Variants in TECRL observed in about 807,000 individuals in gnomAD.
TECRL encodes trans-2,3-enoyl-CoA reductase like, also known as trans-2,3-enoyl-CoA reductase-like.
A neutral mutation model predicts 52.8 loss-of-function variants in TECRL; 63 were observed. That is an observed-to-expected ratio of 1.19 (90% CI 0.97 to 1.47). The LOEUF (loss-of-function observed/expected upper bound fraction) is 1.47, where lower values mean the gene tolerates loss of function less well. Among genes scored for constraint, TECRL ranks in the 40% most tolerant of loss-of-function variants. TECRL has a pLI of 0.00. For missense variants in TECRL, 482 were observed against 429.6 expected (o/e 1.12, Z -1.08); for synonymous variants, 164 against 141.9 (o/e 1.16, Z -1.10).
intron 2 of TECRL, among the ~76,000 whole-genome samples, chr4:64,351,262 A>G (rs13117561): frequency 0.67 from 100,593 of 149,980 alleles, 34,914 homozygotes; most frequent in Non-Finnish European, 0.76. Context: ...AAAACTGTGT[A>G]TTGTATATTT....
chr4:64,332,636 T>C (rs192468547), intron 2 of TECRL, among the ~76,000 whole-genome samples: 33 of 151,806 alleles, frequency 2.2e-4, no homozygotes, highest in African/African-American at 7.0e-4. Context: ...GATATAAACA[T>C]AAAATACAAG....
chr4:64,292,245 C>T (rs1415007778), intron 8 of TECRL, among the ~76,000 whole-genome samples: 1 of 152,000 alleles, frequency 6.6e-6, no homozygotes, highest in South Asian at 2.1e-4. Flanking sequence ...TGATGTTTAT[C>T]TAAATATGTC....
chr4:64,309,942 A>AC lies in TECRL; in HGVS notation c.552-12_552-11insG. 6.5e-7 allele frequency: 1 copy of AC among 1,530,986 alleles called. No homozygotes were observed. Among genetic ancestry groups the AC allele is most frequent in the Non-Finnish European group, 8.9e-7 (1 of 1,120,284 alleles). The allele number at this position is 1,530,986 out of a possible 1,614,324, so 94.8% of individuals were successfully genotyped here. A position where few individuals can be genotyped will look rare whatever the true frequency, so the allele number is the denominator to read the frequency against. On this transcript the variant is annotated splice_polypyrimidine_tract_variant and intron_variant, in intron 5 of 11. Coordinates refer to ENST00000381210, the MANE Select transcript of TECRL (RefSeq NM_001010874.5). ...CAGAAGCAAGCCAAGCTGGAAAAAAAAATAAAACATAAACATGAAAATCCT... is the reference window on the plus strand; with the variant it reads ...CAGAAGCAAGCCAAGCTGGAAAAAAACAATAAAACATAAACATGAAAATCCT...
intron 2 of TECRL, among the ~76,000 whole-genome samples, chr4:64,333,396 C>T (rs1425238334): frequency 1.3e-5 from 2 of 151,746 alleles, no homozygotes; most frequent in South Asian, 4.2e-4. Flanking sequence ...ATCTAAAGGA[C>T]CAATTTGAGA....
At chr4:64,319,585 A>T (rs1717752788) in intron 4 of TECRL, among the ~76,000 whole-genome samples, 1 of 151,906 alleles carries the variant, frequency 6.6e-6, no homozygotes, top group Non-Finnish European at 1.5e-5. Flanking sequence ...TACATAAAGA[A>T]TTCTCAAGAC....
At position 64,346,745 on chromosome 4, in the gene TECRL, A is replaced by T. The variant is rs1056824300; in HGVS notation, c.287-18189T>A. Among the ~76,000 whole-genome samples, 23 of 152,200 alleles carry T rather than the reference A, an allele frequency of 1.5e-4. 1 individual carries two copies. The highest frequency in any genetic ancestry group is 1.4e-3 in the Admixed American group (22 of 15,284). ...TGAGGTGCCCTGGAGAATTGTCCCC[A>T]TTGTCTTGGTGATTAAGTGTGGCTT... On this transcript the variant is annotated intron_variant, in intron 2 of 11. Transcript: ENST00000381210.
chr4:64,379,721 C>A (rs770282384), intron 1 of TECRL, among the ~76,000 whole-genome samples: 7 of 152,026 alleles, frequency 4.6e-5, no homozygotes, highest in Non-Finnish European at 8.8e-5. Context: ...TTTTAAACCC[C>A]CACACATGAA....
intron 2 of TECRL, among the ~76,000 whole-genome samples, chr4:64,359,483 C>T (rs967479476): frequency 6.8e-6 from 1 of 147,152 alleles, no homozygotes; most frequent in Non-Finnish European, 1.5e-5. Flanking sequence ...TCAAATATTG[C>T]TAACCCAACC....
At chr4:64,310,775 T>G (rs2110000950) in intron 5 of TECRL, among the ~76,000 whole-genome samples, 1 of 152,318 alleles carries the variant, frequency 6.6e-6, no homozygotes, top group South Asian at 2.1e-4. Flanking sequence ...TTGTCCAGGC[T>G]GCAGTGCAGT....
At chr4:64,321,333 G>T (rs1717887406) in intron 4 of TECRL, among the ~76,000 whole-genome samples, 3 of 151,924 alleles carry the variant, frequency 2.0e-5, no homozygotes, top group Admixed American at 2.0e-4. Flanking sequence ...AAAATTGGTT[G>T]TTTAATTGTA....
At chr4:64,322,999 C>T (rs959926523) in intron 3 of TECRL, among the ~76,000 whole-genome samples, 2 of 151,992 alleles carry the variant, frequency 1.3e-5, no homozygotes, top group African/African-American at 4.8e-5. Context: ...CAGTGGTTTC[C>T]CAATACCATC....
chr4:64,316,165 T>G (rs1717482258), intron 4 of TECRL, among the ~76,000 whole-genome samples: 1 of 152,116 alleles, frequency 6.6e-6, no homozygotes, highest in Admixed American at 6.5e-5. Flanking sequence ...TCTCTAAGAA[T>G]ATATCAGGAA....
At chr4:64,408,984 C>T in intron 1 of TECRL, 134 bp downstream of exon 1, 7 of 771,898 alleles carry the variant, frequency 9.1e-6, no homozygotes, top group South Asian at 3.8e-5. Context: ...ATCCTGTTCA[C>T]CACAAAATTA....
intron 2 of TECRL, among the ~76,000 whole-genome samples, chr4:64,332,378 C>T (rs980814613): frequency 2.0e-5 from 3 of 152,186 alleles, no homozygotes; most frequent in East Asian, 1.9e-4. Flanking sequence ...TCTGTAACCT[C>T]CAAAGTCCAG....
intron 8 of TECRL, among the ~76,000 whole-genome samples, chr4:64,290,105 A>C (rs1325197226): frequency 1.3e-5 from 2 of 152,190 alleles, no homozygotes; most frequent in African/African-American, 4.8e-5. Flanking sequence ...TGCTGAAGAC[A>C]TATTTGGCAT....
intron 2 of TECRL, among the ~76,000 whole-genome samples, chr4:64,344,394 AATTCCTGGTGC>A (rs1306566046): frequency 6.6e-6 from 1 of 152,100 alleles, no homozygotes; most frequent in Non-Finnish European, 1.5e-5. Context: ...AGGAGTCTGA[AATTCCTGGTGC>A]ATTTTTGAGA....
At chr4:64,302,160 A>G (rs1349653529) in intron 7 of TECRL, among the ~76,000 whole-genome samples, 9 of 151,436 alleles carry the variant, frequency 5.9e-5, no homozygotes. Flanking sequence ...GTATTTAACT[A>G]TTATTCAAGA....
chr4:64,403,042 C>T (rs2109785977), intron 1 of TECRL, among the ~76,000 whole-genome samples: 1 of 117,094 alleles, frequency 8.5e-6, no homozygotes, highest in Admixed American at 9.1e-5. Context: ...CTTAAATTAT[C>T]TTGGTGAGGT....
At chr4:64,322,841 A>G (rs371843822) in intron 3 of TECRL, 49 bp from the exon 4 acceptor site, 1 of 1,350,882 alleles carries the variant, frequency 7.4e-7, no homozygotes, top group Non-Finnish European at 1.0e-6. Context: ...ATTTCTTAGC[A>G]TAACGATAAA....
Sources: allele counts gnomAD v4.1 joint callset (sites outside exome capture counted in the v4.1 genomes callset), GRCh38; gene constraint gnomAD v4.1.1; transcripts MANE v1.5; gene names NCBI Gene and HGNC (gene_info 2026-07-23, HGNC 2026-07-21).